Variants in DTNA observed in about 807,000 individuals in gnomAD.
DTNA encodes dystrobrevin alpha.
Under a neutral mutation model 100.7 loss-of-function variants are expected in DTNA, and 43 were observed. The ratio of observed to expected loss-of-function variants is 0.43; its 90% confidence interval spans 0.33 to 0.55. DTNA has a LOEUF of 0.55. Ranked by LOEUF, DTNA falls within the 20% of genes least tolerant of loss-of-function variation. DTNA has a pLI of 0.04. For missense variants in DTNA, 798 were observed against 953.9 expected, an observed-to-expected ratio of 0.84 and a Z score of 2.15; for synonymous variants, 349 against 347.9, an observed-to-expected ratio of 1.00 and a Z score of -0.04.
chr18:34,518,941 G>A (rs1347884894), intron 1 of DTNA, among the ~76,000 whole-genome samples: 10 of 152,038 alleles, frequency 6.6e-5, no homozygotes, highest in Non-Finnish European at 1.2e-4. Flanking sequence ...CAGAGTAGGT[G>A]TAAGCCATTG....
chr18:34,553,156 T>G (rs2045635050), intron 1 of DTNA, among the ~76,000 whole-genome samples: 1 of 151,358 alleles, frequency 6.6e-6, no homozygotes, highest in African/African-American at 2.4e-5. Context: ...TCATGTGTTT[T>G]TTGGCTGCAT....
intron 3 of DTNA, among the ~76,000 whole-genome samples, chr18:34,771,088 A>C (rs2098973937): frequency 6.6e-6 from 1 of 152,142 alleles, no homozygotes; most frequent in South Asian, 2.1e-4. Context: ...TGGATATTTA[A>C]CTTCAGTAAA....
chr18:34,556,073 A>G (rs2046006955), intron 1 of DTNA, among the ~76,000 whole-genome samples: 1 of 151,302 alleles, frequency 6.6e-6, no homozygotes, highest in Non-Finnish European at 1.5e-5. Context: ...GTGCATATAT[A>G]TTTAGGATAG....
chr18:34,599,327 T>G (rs1329275097), intron 1 of DTNA, among the ~76,000 whole-genome samples: 3 of 152,248 alleles, frequency 2.0e-5, no homozygotes, highest in Admixed American at 6.5e-5. Flanking sequence ...CTTTTTTGCC[T>G]CATCTATAAA....
intron 1 of DTNA, among the ~76,000 whole-genome samples, chr18:34,746,464 G>A (rs1446992606): frequency 3.3e-5 from 5 of 151,970 alleles, no homozygotes; most frequent in Non-Finnish European, 5.9e-5. Context: ...TGACAAAGTG[G>A]GCCTATGTGT....
intron 1 of DTNA, among the ~76,000 whole-genome samples, chr18:34,647,547 C>G (rs971706090): frequency 5.9e-5 from 9 of 152,162 alleles, no homozygotes; most frequent in African/African-American, 2.2e-4. Context: ...GAGCTGCGTG[C>G]CAGGAAGAGG....
chr18:34,813,539 T>G (rs8086177), intron 6 of DTNA, among the ~76,000 whole-genome samples: 42 of 151,764 alleles, frequency 2.8e-4, no homozygotes, highest in African/African-American at 9.4e-4. Context: ...AAGTCTTTTC[T>G]TTTTACTGAA....
Position 34,758,392 on chromosome 18 carries a change from A to G in DTNA, c.67+2349A>G, listed in dbSNP as rs115267053. Among the ~76,000 whole-genome samples, 1,119 of 152,358 alleles carry G rather than the reference A, an allele frequency of 7.3e-3. 12 individuals carry two copies. The highest frequency in any genetic ancestry group is 0.026 in the African/African-American group (1,064 of 41,578). Reference sequence around the variant, plus strand: ...AAGAAAAGTTGTAATGGCCAGAGTTAAACAGGCAGGGAAGACTTTTATCCA... The same window carrying G: ...AAGAAAAGTTGTAATGGCCAGAGTTGAACAGGCAGGGAAGACTTTTATCCA... On this transcript the variant is annotated intron_variant, in intron 2 of 22. Coordinates refer to ENST00000444659, the MANE Select transcript of DTNA (RefSeq NM_001386795.1).
chr18:34,888,773 T>C lies in DTNA; in HGVS notation c.*1039T>C. 1 of 985,870 alleles carries C rather than the reference T, an allele frequency of 1.0e-6. No individual in the cohort carries two copies. 61.1% of individuals were successfully genotyped at this position (985,870 alleles called of 1,614,324 possible). ...GGAAGCATGTCTTTAACAGCACCGC[T>C]CGTTCACAAGTTCCCCCATCAAGTT... On this transcript the variant is annotated 3_prime_UTR_variant, in exon 23 of 23. Transcript: ENST00000444659.
At chr18:34,563,417 A>C (rs1320673832) in intron 1 of DTNA, among the ~76,000 whole-genome samples, 1 of 152,220 alleles carries the variant, frequency 6.6e-6, no homozygotes, top group African/African-American at 2.4e-5. Flanking sequence ...GACCTCCTAA[A>C]CTATTATGGA....
At chr18:34,663,664 T>G (rs780669335) in intron 1 of DTNA, among the ~76,000 whole-genome samples, 1 of 152,162 alleles carries the variant, frequency 6.6e-6, no homozygotes, top group East Asian at 1.9e-4. Flanking sequence ...TGGCAAATGT[T>G]TTTTGAAATT....
intron 1 of DTNA, among the ~76,000 whole-genome samples, chr18:34,523,335 G>A (rs2042317803): frequency 6.6e-6 from 1 of 152,074 alleles, no homozygotes; most frequent in Non-Finnish European, 1.5e-5. Flanking sequence ...GACTATATAT[G>A]GAGATAGGAC....
chr18:34,661,763 A>G (rs2144563513), intron 1 of DTNA, among the ~76,000 whole-genome samples: 1 of 152,294 alleles, frequency 6.6e-6, no homozygotes, highest in Admixed American at 6.5e-5. Context: ...AGTTAAGTGC[A>G]GAGGATAATG....
At chr18:34,676,333 G>A (rs36027089) in intron 1 of DTNA, among the ~76,000 whole-genome samples, 10,200 of 152,174 alleles carry the variant, frequency 0.067, 416 homozygotes, top group African/African-American at 0.087. Context: ...CACCCAAAAT[G>A]AATGAAATAC....
At position 34,888,076 on chromosome 18, in the gene DTNA, GCAAA is replaced by G; in HGVS notation, c.*349_*352del. The G allele has an allele frequency of 1.0e-6, 1 of 985,838 alleles. No individual in the cohort carries two copies. The highest frequency in any genetic ancestry group is 1.2e-6 in the Non-Finnish European group (1 of 829,938). The allele number at this position is 985,838 out of a possible 1,614,324, so 61.1% of individuals were successfully genotyped here. A position where few individuals can be genotyped will look rare whatever the true frequency, so the allele number is the denominator to read the frequency against. On this transcript the variant is annotated 3_prime_UTR_variant, in exon 23 of 23. Coordinates refer to ENST00000444659, the MANE Select transcript of DTNA (RefSeq NM_001386795.1). ...AACGTGGTTCATCCCTGGTTAAAAAGCAAACAAACACAGGCTGAAAACCCATGCT... is the reference window on the plus strand; with the variant it reads ...AACGTGGTTCATCCCTGGTTAAAAAGCAAACACAGGCTGAAAACCCATGCT...
At chr18:34,821,163 G>T (rs566843614) in intron 9 of DTNA, 1 of 631,254 alleles carries the variant, frequency 1.6e-6, no homozygotes, top group Non-Finnish European at 2.9e-6. Flanking sequence ...ATTTCAGAAA[G>T]CTTAGTTATA....
intron 1 of DTNA, among the ~76,000 whole-genome samples, chr18:34,677,684 T>C (rs2077558728): frequency 6.6e-6 from 1 of 151,778 alleles, no homozygotes; most frequent in Non-Finnish European, 1.5e-5. Context: ...CGACTCCAAT[T>C]TTTTTTTAAA....
chr18:34,880,434 A>T (rs976302299), intron 20 of DTNA, among the ~76,000 whole-genome samples: 1 of 152,180 alleles, frequency 6.6e-6, no homozygotes, highest in Admixed American at 6.5e-5. Context: ...AAAGGAGAAA[A>T]ACAAAAGAAA....
At chr18:34,834,011 A>C (rs1322457216) in intron 11 of DTNA, among the ~76,000 whole-genome samples, 1 of 152,224 alleles carries the variant, frequency 6.6e-6, no homozygotes, top group African/African-American at 2.4e-5. Flanking sequence ...CAAATCCCAC[A>C]AAGAATTAGA....
Sources: gnomAD v4.1 joint callset for allele counts (sites outside exome capture counted in the v4.1 genomes callset) on GRCh38, gnomAD v4.1.1 for gene constraint, MANE v1.5 for transcripts, NCBI Gene and HGNC (gene_info 2026-07-23, HGNC 2026-07-21) for gene names.